Variants in VAV2 observed in about 807,000 individuals in gnomAD.
VAV2 encodes the protein vav guanine nucleotide exchange factor 2.
Under a neutral mutation model 132.5 loss-of-function variants are expected in VAV2, and 67 were observed. The observed-to-expected ratio is 0.51, with a 90% CI of 0.42 to 0.62. The LOEUF (loss-of-function observed/expected upper bound fraction) is 0.62, where lower values mean the gene tolerates loss of function less well. VAV2 is among the 20% of genes least tolerant of loss of function. The pLI is 0.00. For missense variants in VAV2, 938 were observed against 1,153.6 expected (o/e 0.81, Z 2.71); for synonymous variants, 492 against 443.5 (o/e 1.11, Z -1.37).
At chr9:133,971,230 C>CG (rs1842323804) in intron 1 of VAV2, among the ~76,000 whole-genome samples, 1 of 152,176 alleles carries the variant, frequency 6.6e-6, no homozygotes, top group Non-Finnish European at 1.5e-5. Flanking sequence ...TGAGGCCTGT[C>CG]GGGGGCAGGG....
At chr9:133,841,155 T>C (rs1358859645) in intron 3 of VAV2, among the ~76,000 whole-genome samples, 2 of 152,060 alleles carry the variant, frequency 1.3e-5, no homozygotes, top group Non-Finnish European at 2.9e-5. Context: ...GCTCACGCCT[T>C]ACTGTGCTTC....
intron 2 of VAV2, among the ~76,000 whole-genome samples, chr9:133,864,840 A>T (rs1837738280): frequency 6.6e-6 from 1 of 152,226 alleles, no homozygotes; most frequent in Non-Finnish European, 1.5e-5. Context: ...TCCACAATGG[A>T]CAGGGAAGCA....
intron 1 of VAV2, among the ~76,000 whole-genome samples, chr9:133,977,734 A>C (rs1588210738): frequency 6.6e-6 from 1 of 152,182 alleles, no homozygotes; most frequent in Non-Finnish European, 1.5e-5. Context: ...CCCCTGCCGG[A>C]CGCCAACCAC....
At chr9:133,873,142 AAC>A (rs1166430304) in intron 2 of VAV2, among the ~76,000 whole-genome samples, 1 of 151,754 alleles carries the variant, frequency 6.6e-6, no homozygotes, top group Non-Finnish European at 1.5e-5. Flanking sequence ...AAGACAGGAA[AAC>A]ACACAACAGC....
intron 2 of VAV2, among the ~76,000 whole-genome samples, chr9:133,920,911 C>T (rs2132076009): frequency 6.6e-6 from 1 of 152,366 alleles, no homozygotes; most frequent in Non-Finnish European, 1.5e-5. Context: ...CCTCGGCCCA[C>T]CCGCTTCCTG....
chr9:133,827,407 AGCT>A (rs1836054459), intron 4 of VAV2, among the ~76,000 whole-genome samples: 1 of 41,382 alleles, frequency 2.4e-5, no homozygotes, highest in Non-Finnish European at 3.8e-5. Context: ...GGGCATCGCC[AGCT>A]ACTGCTGTGC....
intron 12 of VAV2, among the ~76,000 whole-genome samples, chr9:133,792,677 G>GT (rs1834540054): frequency 1.7e-5 from 1 of 58,614 alleles, no homozygotes; most frequent in African/African-American, 9.5e-5. Flanking sequence ...GCCCCCAAGG[G>GT]ACCCCCCCCC....
chr9:133,892,504 A>T (rs1325054085), intron 2 of VAV2, among the ~76,000 whole-genome samples: 2 of 151,998 alleles, frequency 1.3e-5, no homozygotes, highest in Non-Finnish European at 2.9e-5. Context: ...TCACTTGGCC[A>T]AGATCATCCC....
intron 2 of VAV2, among the ~76,000 whole-genome samples, chr9:133,877,562 C>T (rs1399208645): frequency 5.9e-5 from 9 of 152,196 alleles, no homozygotes; most frequent in Non-Finnish European, 1.3e-4. Context: ...TCAGAGTGGT[C>T]ACCTGCACAC....
At chr9:133,872,075 T>A (rs758200044) in intron 2 of VAV2, among the ~76,000 whole-genome samples, 4 of 152,218 alleles carry the variant, frequency 2.6e-5, no homozygotes, top group Non-Finnish European at 5.9e-5. Flanking sequence ...AGGGCAGACC[T>A]GAAAATCCTT....
intron 3 of VAV2, among the ~76,000 whole-genome samples, chr9:133,849,183 G>A (rs935508013): frequency 1.1e-4 from 16 of 152,164 alleles, no homozygotes; most frequent in Non-Finnish European, 1.3e-4. Flanking sequence ...GAGCAGGCAC[G>A]GGACATTCCT....
Position 133,969,794 on chromosome 9 carries a change from G to C in VAV2, c.204+22281C>G, listed in dbSNP as rs1311963834. ...ACTTCTCTCCCCACCCCCCAGCCTGGACACCCCCATCTGCCTCTGCCCCAG... is the reference window on the plus strand; with the variant it reads ...ACTTCTCTCCCCACCCCCCAGCCTGCACACCCCCATCTGCCTCTGCCCCAG... On this transcript the variant is annotated intron_variant, in intron 1 of 29. Transcript: ENST00000371850. This position sits in a 1 kb window ranked among gnomAD's most constrained non-coding sequence, Gnocchi z 5.1. Among the ~76,000 whole-genome samples, 1 of 151,978 alleles carries C rather than the reference G, an allele frequency of 6.6e-6. No individual in the cohort carries two copies. Among genetic ancestry groups the C allele is most frequent in the Non-Finnish European group, 1.5e-5 (1 of 67,976 alleles).
intron 2 of VAV2, among the ~76,000 whole-genome samples, chr9:133,904,586 C>T (rs937355359): frequency 6.6e-6 from 1 of 152,264 alleles, no homozygotes; most frequent in Non-Finnish European, 1.5e-5. Flanking sequence ...CACGTGGGCA[C>T]AGGCATGCAG....
At chr9:133,825,089 T>A (rs1013029415) in intron 4 of VAV2, among the ~76,000 whole-genome samples, 4 of 151,468 alleles carry the variant, frequency 2.6e-5, no homozygotes, top group African/African-American at 9.7e-5. Flanking sequence ...GAGCACGCAG[T>A]CTTAAAGGGT....
chr9:133,845,176 C>A (rs901205764), intron 3 of VAV2, among the ~76,000 whole-genome samples: 2 of 152,230 alleles, frequency 1.3e-5, no homozygotes, highest in Non-Finnish European at 2.9e-5. Context: ...TGGGCCACAG[C>A]GGCTTGTCTG....
intron 22 of VAV2, 117 bp from the exon 23 acceptor site, chr9:133,777,580 A>G: frequency 9.7e-7 from 1 of 1,036,144 alleles, no homozygotes; most frequent in Non-Finnish European, 1.4e-6. Context: ...GGGAGAGCCA[A>G]TGTCTTCTTT....
chr9:133,976,204 T>G (rs1180046443), intron 1 of VAV2, among the ~76,000 whole-genome samples: 10 of 150,180 alleles, frequency 6.7e-5, no homozygotes, highest in Admixed American at 6.6e-4. Context: ...AGATTCCATT[T>G]CAAAAAAAAA....
At position 133,824,142 on chromosome 9, in the gene VAV2, T is replaced by A. The variant is rs550588845; in HGVS notation, c.449+10130A>T. Among the ~76,000 whole-genome samples the A allele has an allele frequency of 5.3e-5, 8 of 151,982 alleles. No individual in the cohort carries two copies. Among genetic ancestry groups the A allele is most frequent in the Admixed American group, 4.6e-4 (7 of 15,284 alleles). On this transcript the variant is annotated intron_variant, in intron 4 of 29. Coordinates refer to ENST00000371850, the MANE Select transcript of VAV2 (RefSeq NM_001134398.2). The surrounding 1 kb of genome is among the most constrained non-coding windows in gnomAD (Gnocchi z 5.2). ...GGTCCCTGAAAGTGTGGGGCTCTCATCCCAACGAGCTGCGGTCTCCACAGC... is the reference window on the plus strand; with the variant it reads ...GGTCCCTGAAAGTGTGGGGCTCTCAACCCAACGAGCTGCGGTCTCCACAGC...
chr9:133,789,084 C>T (rs867144497), intron 14 of VAV2, among the ~76,000 whole-genome samples, 174 bp downstream of exon 14: 3 of 152,226 alleles, frequency 2.0e-5, no homozygotes, highest in Non-Finnish European at 2.9e-5. Context: ...CTGTGGCGCC[C>T]GCTCGCTGAC....
Sources: gnomAD v4.1 joint callset for allele counts (sites outside exome capture counted in the v4.1 genomes callset) on GRCh38, gnomAD v4.1.1 for gene constraint, Gnocchi (gnomAD v3.1) non-coding constraint, MANE v1.5 for transcripts, NCBI Gene and HGNC (gene_info 2026-07-23, HGNC 2026-07-21) for gene names.